The following RTN1 variants were observed in gnomAD, a reference collection of about 807,000 sequenced individuals.
RTN1 encodes the protein reticulon 1, also known as reticulon-1.
In RTN1, 25 loss-of-function variants were observed where a neutral mutation model predicts 65.5. That is an observed-to-expected ratio of 0.38 (90% CI 0.28 to 0.53). The LOEUF is 0.53. RTN1 is among the 20% of genes least tolerant of loss of function. The probability of loss-of-function intolerance (pLI) is 0.79; values close to 1 mark genes in which losing one functional copy is unlikely to be tolerated. For synonymous variants in RTN1, 471 were observed against 447.6 expected (o/e 1.05, Z -0.66); for missense variants, 983 against 1,025.4 (o/e 0.96, Z 0.57).
chr14:59,677,434 A>T (rs1883650033), intron 3 of RTN1, among the ~76,000 whole-genome samples: 1 of 152,346 alleles, frequency 6.6e-6, no homozygotes, highest in Middle Eastern at 3.4e-3. Flanking sequence ...GTAGGGACAC[A>T]AGAAAGTAGG....
At chr14:59,721,951 C>G (rs912363791) in intron 3 of RTN1, among the ~76,000 whole-genome samples, 2 of 152,118 alleles carry the variant, frequency 1.3e-5, no homozygotes, top group Non-Finnish European at 2.9e-5. Flanking sequence ...TACTCAACTC[C>G]CTGTTGGTGT....
intron 3 of RTN1, among the ~76,000 whole-genome samples, chr14:59,664,231 A>C (rs1194454821): frequency 1.3e-5 from 2 of 152,022 alleles, no homozygotes; most frequent in African/African-American, 4.8e-5. Context: ...AAAACCAAAC[A>C]CTGCATGTTC....
chr14:59,838,231 A>G (rs1248328595), intron 1 of RTN1, among the ~76,000 whole-genome samples: 1 of 152,160 alleles, frequency 6.6e-6, no homozygotes, highest in Non-Finnish European at 1.5e-5. Context: ...ATTAATTCTC[A>G]GGTTTAGGTA....
chr14:59,655,488 G>C (rs768845828), intron 3 of RTN1, among the ~76,000 whole-genome samples: 1 of 152,192 alleles, frequency 6.6e-6, no homozygotes, highest in Non-Finnish European at 1.5e-5. Context: ...AATTCATGTA[G>C]AGATGCAAGG....
chr14:59,691,803 T>C (rs1248773508), intron 3 of RTN1, among the ~76,000 whole-genome samples: 1 of 152,076 alleles, frequency 6.6e-6, no homozygotes, highest in Non-Finnish European at 1.5e-5. Flanking sequence ...TAAATATGAT[T>C]CACTACATAA....
At chr14:59,832,755 G>T (rs1240877803) in intron 1 of RTN1, among the ~76,000 whole-genome samples, 1 of 152,186 alleles carries the variant, frequency 6.6e-6, no homozygotes, top group Non-Finnish European at 1.5e-5. Context: ...AGATGCTATG[G>T]TGTCATTACT....
At chr14:59,687,714 C>T (rs1883876664) in intron 3 of RTN1, among the ~76,000 whole-genome samples, 1 of 151,986 alleles carries the variant, frequency 6.6e-6, no homozygotes, top group Non-Finnish European at 1.5e-5. Context: ...CACTCACTTA[C>T]CTGGATTAGC....
intron 3 of RTN1, among the ~76,000 whole-genome samples, chr14:59,619,282 T>G (rs1052916073): frequency 6.6e-6 from 1 of 152,194 alleles, no homozygotes; most frequent in Non-Finnish European, 1.5e-5. Context: ...GGGGAAAAGC[T>G]GACACTTGTC....
rs538788045 is a variant in RTN1, at chr14:59,709,482, G to A, written c.1765+17437C>T. Among the ~76,000 whole-genome samples, 12 of 152,290 alleles carry A rather than the reference G, an allele frequency of 7.9e-5. No individual in the cohort carries two copies. The East Asian group carries it at 1.7e-3, about 22-fold the overall frequency. On this transcript the variant is annotated intron_variant, in intron 3 of 8. Coordinates refer to ENST00000267484, the MANE Select transcript of RTN1 (RefSeq NM_021136.3). ...ATGGATGACAGTTCTTAGTACTTGTGAAATACATTGTATGGATTTCTAGAG... is the reference window on the plus strand; with the variant it reads ...ATGGATGACAGTTCTTAGTACTTGTAAAATACATTGTATGGATTTCTAGAG...
chr14:59,698,544 A>G (rs566414955), intron 3 of RTN1, among the ~76,000 whole-genome samples: 1 of 152,146 alleles, frequency 6.6e-6, no homozygotes, highest in Non-Finnish European at 1.5e-5. Flanking sequence ...TTGCTAGTGA[A>G]TAAGTCTCAT....
chr14:59,603,479 C>T (rs1881644689), intron 6 of RTN1, among the ~76,000 whole-genome samples: 1 of 149,976 alleles, frequency 6.7e-6, no homozygotes, highest in African/African-American at 2.5e-5. Flanking sequence ...GAGCCCTGTA[C>T]AGGTATTTTG....
At chr14:59,722,796 C>CTT (rs573634730) in intron 3 of RTN1, among the ~76,000 whole-genome samples, 1 of 137,266 alleles carries the variant, frequency 7.3e-6, no homozygotes, top group Non-Finnish European at 1.6e-5. Context: ...GAACTTTTAA[C>CTT]TTTTTTTTTT....
chr14:59,651,667 G>A (rs1883022616), intron 3 of RTN1, among the ~76,000 whole-genome samples: 1 of 152,026 alleles, frequency 6.6e-6, no homozygotes, highest in African/African-American at 2.4e-5. Flanking sequence ...GAACCTGGGA[G>A]GTGGGCATTT....
intron 2 of RTN1, among the ~76,000 whole-genome samples, chr14:59,739,497 T>C (rs1476939703): frequency 2.7e-5 from 4 of 146,444 alleles, no homozygotes; most frequent in Non-Finnish European, 5.9e-5. Flanking sequence ...GCCGAGATCA[T>C]GCCACTGCAC....
At chr14:59,748,190 C>T (rs901865841) in intron 1 of RTN1, among the ~76,000 whole-genome samples, 8 of 146,704 alleles carry the variant, frequency 5.5e-5, no homozygotes, top group East Asian at 2.0e-4. Context: ...CGCTTTGCCC[C>T]GATTAAGTCA....
intron 2 of RTN1, among the ~76,000 whole-genome samples, chr14:59,738,317 A>G (rs1452628761): frequency 1.3e-5 from 2 of 152,236 alleles, no homozygotes; most frequent in Non-Finnish European, 2.9e-5. Context: ...AAAAAAAATA[A>G]ACAACCTCAT....
At chr14:59,624,612 C>T (rs1882343628) in intron 3 of RTN1, among the ~76,000 whole-genome samples, 1 of 152,076 alleles carries the variant, frequency 6.6e-6, no homozygotes, top group African/African-American at 2.4e-5. Context: ...CAGGCGTGTG[C>T]CACCACGCCT....
intron 3 of RTN1, among the ~76,000 whole-genome samples, chr14:59,697,736 T>C (rs1469053487): frequency 6.6e-6 from 1 of 152,104 alleles, no homozygotes; most frequent in Non-Finnish European, 1.5e-5. Flanking sequence ...GACTTATGGG[T>C]ATTAGATGAT....
chr14:59,796,983 G>A (rs1886451920), intron 1 of RTN1, among the ~76,000 whole-genome samples: 1 of 152,064 alleles, frequency 6.6e-6, no homozygotes, highest in Non-Finnish European at 1.5e-5. Flanking sequence ...GGTATGTTAA[G>A]GTTATATATG....
Sources: gnomAD v4.1 joint callset for allele counts (sites outside exome capture counted in the v4.1 genomes callset) on GRCh38, gnomAD v4.1.1 for gene constraint, MANE v1.5 for transcripts, NCBI Gene and HGNC (gene_info 2026-07-23, HGNC 2026-07-21) for gene names.